Variants in TAOK3 observed in about 807,000 individuals in gnomAD.
TAOK3 encodes the protein TAO kinase 3.
In TAOK3, 40 loss-of-function variants were observed where a neutral mutation model predicts 120.4. The observed-to-expected ratio is 0.33, with a 90% confidence interval of 0.26 to 0.43. The LOEUF is 0.43. TAOK3 is among the 20% of genes least tolerant of loss of function. The pLI is 1.00. For missense variants in TAOK3, 821 were observed against 1,112.1 expected, an observed-to-expected ratio of 0.74 and a Z score of 3.72; for synonymous variants, 355 against 387.5, an observed-to-expected ratio of 0.92 and a Z score of 0.99.
intron 9 of TAOK3, among the ~76,000 whole-genome samples, chr12:118,226,456 C>T (rs1427962576): frequency 1.3e-5 from 2 of 151,780 alleles, no homozygotes; most frequent in African/African-American, 4.8e-5. Context: ...ATCGCTTGAA[C>T]CCGGGAACTA....
At chr12:118,333,561 T>C (rs1320083315) in intron 1 of TAOK3, among the ~76,000 whole-genome samples, 1 of 152,012 alleles carries the variant, frequency 6.6e-6, no homozygotes, top group Non-Finnish European at 1.5e-5. Flanking sequence ...AACCTAAGTT[T>C]CTACCATAAG....
intron 1 of TAOK3, among the ~76,000 whole-genome samples, chr12:118,356,802 G>A (rs899559909): frequency 6.6e-6 from 1 of 152,014 alleles, no homozygotes. Context: ...CATGCCTGTA[G>A]TCTCGGCTAC....
At chr12:118,171,548 G>A (rs772039430) in intron 17 of TAOK3, among the ~76,000 whole-genome samples, 14 of 152,098 alleles carry the variant, frequency 9.2e-5, no homozygotes, top group Non-Finnish European at 1.5e-4. Flanking sequence ...GTAGAGACGG[G>A]GTTTCACCAT....
Position 118,159,168 on chromosome 12 carries a change from T to C in TAOK3, c.2352+978A>G, listed in dbSNP as rs578061893. On this transcript the variant is annotated intron_variant, in intron 19 of 20. Coordinates refer to ENST00000392533, the MANE Select transcript of TAOK3 (RefSeq NM_016281.4). ...TCCTCTGTTTGAACCTTTGCCTATG[T>C]AGGTCCCAGTTTCAAGGAATCGGTT... Among the ~76,000 whole-genome samples the C allele has an allele frequency of 2.4e-4, 37 of 152,274 alleles. 2 individuals carry two copies. In the South Asian group the frequency reaches 7.3e-3, roughly 30 times the overall value.
rs1180030962 is a variant in TAOK3, at chr12:118,149,888, G to A, written c.*1109C>T. 2 of 149,696 alleles carry A rather than the reference G, an allele frequency of 1.3e-5. No homozygotes were observed. The highest frequency in any genetic ancestry group is 1.5e-5 in the Non-Finnish European group (1 of 67,364). The allele number at this position is 149,696 out of a possible 1,614,324, so 9.3% of individuals were successfully genotyped here. A position where few individuals can be genotyped will look rare whatever the true frequency, so the allele number is the denominator to read the frequency against. ...TGGAACCTGAAAAATGTTTTGTTTT[G>A]TTTTTAAAGTGCATGCAAAAGAAGT... On this transcript the variant is annotated 3_prime_UTR_variant, in exon 21 of 21. Transcript: ENST00000392533.
intron 9 of TAOK3, among the ~76,000 whole-genome samples, chr12:118,218,982 C>T (rs749718544): frequency 1.3e-5 from 2 of 152,072 alleles, no homozygotes; most frequent in Non-Finnish European, 1.5e-5. Context: ...AATAAAACCA[C>T]GTGGAACTAG....
In TAOK3 at chr12:118,152,397, C is replaced by T; in HGVS notation, c.2365G>A (p.Glu789Lys). 4 of 1,612,216 alleles carry T rather than the reference C, an allele frequency of 2.5e-6. No individual in the cohort carries two copies. The highest frequency in any genetic ancestry group is 3.4e-6 in the Non-Finnish European group (4 of 1,179,596). The part of the protein sequence containing the change: ...MMASQALRLD[E>K]AQEAECQALR... ...GCCTGGCATTCTGCTTCTTGAGCCT[C>T]ATCTAGCCGTAACTGCGGACACAGA... The change falls in exon 20 of 21, where the codon GAG becomes AAG. Residue 789 changes from glutamate to lysine, a missense_variant. Around this residue, in one of 2 missense-constraint regions of TAOK3, gnomAD observed 354 missense variants for 572.1 expected, o/e 0.62. Transcript: ENST00000392533.
At chr12:118,287,939 C>G (rs1288396730) in intron 1 of TAOK3, among the ~76,000 whole-genome samples, 1 of 151,888 alleles carries the variant, frequency 6.6e-6, no homozygotes, top group Non-Finnish European at 1.5e-5. Context: ...TTGACTCCCT[C>G]CTACAGGATT....
At chr12:118,348,584 C>A (rs926108201) in intron 1 of TAOK3, among the ~76,000 whole-genome samples, 2 of 151,492 alleles carry the variant, frequency 1.3e-5, no homozygotes, top group Admixed American at 6.6e-5. Flanking sequence ...CCGAGTAGCT[C>A]GGACTACAGG....
chr12:118,250,428 C>T (rs927210880), intron 3 of TAOK3, among the ~76,000 whole-genome samples: 24 of 152,188 alleles, frequency 1.6e-4, no homozygotes, highest in Admixed American at 1.3e-4. Flanking sequence ...TGGCAGCATT[C>T]AGTGTAAAAA....
chr12:118,367,488 A>C (rs1040940746), intron 1 of TAOK3, among the ~76,000 whole-genome samples: 10 of 152,074 alleles, frequency 6.6e-5, no homozygotes, highest in African/African-American at 2.2e-4. Context: ...AATTCAACAT[A>C]ACTAATCTAT....
At chr12:118,327,863 T>C (rs1304526565) in intron 1 of TAOK3, among the ~76,000 whole-genome samples, 1 of 152,176 alleles carries the variant, frequency 6.6e-6, no homozygotes, top group Admixed American at 6.5e-5. Flanking sequence ...GTGACACTAT[T>C]ATATAAAACT....
intron 14 of TAOK3, among the ~76,000 whole-genome samples, chr12:118,187,371 C>A (rs954421615): frequency 7.9e-5 from 12 of 152,154 alleles, no homozygotes; most frequent in African/African-American, 2.7e-4. Flanking sequence ...TTCATTTGAG[C>A]TGGGGTCCAT....
At chr12:118,224,436 G>A (rs888644832) in intron 9 of TAOK3, among the ~76,000 whole-genome samples, 1 of 152,194 alleles carries the variant, frequency 6.6e-6, no homozygotes, top group Non-Finnish European at 1.5e-5. Flanking sequence ...TTATGTTTGT[G>A]TTTTGTTCTT....
At chr12:118,246,633 G>A in intron 3 of TAOK3, 1 of 1,572,076 alleles carries the variant, frequency 6.4e-7, no homozygotes, top group South Asian at 1.1e-5. Context: ...CCCTTGCAAG[G>A]TGACAGGCCG....
intron 14 of TAOK3, among the ~76,000 whole-genome samples, chr12:118,182,621 A>ATTTT (rs1255090106): frequency 1.0e-5 from 1 of 99,010 alleles, no homozygotes; most frequent in African/African-American, 5.0e-5. Flanking sequence ...ATATATATAT[A>ATTTT]TATTTTTTTT....
chr12:118,231,719 T>C (rs1434051937), intron 9 of TAOK3, among the ~76,000 whole-genome samples: 1 of 149,390 alleles, frequency 6.7e-6, no homozygotes, highest in Admixed American at 6.7e-5. Context: ...AAGTCAGGAG[T>C]TCAAGACCAG....
chr12:118,151,274 G>A, intron 20 of TAOK3, 116 bp from the exon 21 acceptor site: 1 of 904,686 alleles, frequency 1.1e-6, no homozygotes, highest in Non-Finnish European at 1.6e-6. Context: ...GCACACACAT[G>A]AAGTGCGCGC....
At chr12:118,279,551 TACA>T (rs1429681565) in intron 1 of TAOK3, among the ~76,000 whole-genome samples, 2 of 151,900 alleles carry the variant, frequency 1.3e-5, no homozygotes, top group Admixed American at 1.3e-4. Context: ...TTTTAGGTTT[TACA>T]TGTAAGTCTT....
Sources: allele counts gnomAD v4.1 joint callset (sites outside exome capture counted in the v4.1 genomes callset), GRCh38; gene constraint gnomAD v4.1.1; regional missense constraint gnomAD v4.1.1; transcripts MANE v1.5; gene names NCBI Gene and HGNC (gene_info 2026-07-23, HGNC 2026-07-21).